The following PDZD2 variants were observed in gnomAD, a reference collection of about 807,000 sequenced individuals.
PDZD2 encodes the protein PDZ domain containing 2.
In PDZD2, 90 loss-of-function variants were observed where a neutral mutation model predicts 220.7. That is an observed-to-expected ratio of 0.41 (90% confidence interval 0.34 to 0.49). The LOEUF (loss-of-function observed/expected upper bound fraction) is 0.49. Ranked by LOEUF, PDZD2 falls within the 20% of genes least tolerant of loss-of-function variation. The pLI is 0.28. For missense variants in PDZD2, 3,174 were observed against 3,608.5 expected (o/e 0.88, Z 3.08); for synonymous variants, 1,375 against 1,450.5 (o/e 0.95, Z 1.18).
chr5:31,812,510 C>T (rs1295313021), intron 2 of PDZD2, among the ~76,000 whole-genome samples: 1 of 151,934 alleles, frequency 6.6e-6, no homozygotes, highest in Non-Finnish European at 1.5e-5. Context: ...ACAATCAAAG[C>T]TCACTGCAGC....
intron 2 of PDZD2, among the ~76,000 whole-genome samples, chr5:31,819,333 T>G (rs1755669052): frequency 6.6e-6 from 1 of 152,134 alleles, no homozygotes; most frequent in Admixed American, 6.6e-5. Context: ...AACTGGTGGG[T>G]GTTTTTACTG....
chr5:31,717,329 C>T (rs1280476222), intron 1 of PDZD2, among the ~76,000 whole-genome samples: 1 of 152,124 alleles, frequency 6.6e-6, no homozygotes, highest in Non-Finnish European at 1.5e-5. Context: ...GTGCCTAAAT[C>T]GCTGTCTCTG....
intron 2 of PDZD2, among the ~76,000 whole-genome samples, chr5:31,804,164 T>A (rs1754577475): frequency 6.6e-6 from 1 of 152,152 alleles, no homozygotes; most frequent in Non-Finnish European, 1.5e-5. Flanking sequence ...ACTTTGAAGT[T>A]CCTTTCTGTG....
chr5:31,923,401 TGCA>T, intron 2 of PDZD2: 1 of 1,255,648 alleles, frequency 8.0e-7, no homozygotes, highest in Non-Finnish European at 1.2e-6. Flanking sequence ...AAGCAGAGAC[TGCA>T]GCAGCTCTTC....
chr5:31,945,758 T>C (rs996833003), intron 2 of PDZD2, among the ~76,000 whole-genome samples: 2 of 151,954 alleles, frequency 1.3e-5, no homozygotes, highest in Admixed American at 6.6e-5. Context: ...GCTTCCTGGG[T>C]CTCCTCCCCC....
At chr5:32,106,045 T>A (rs1405725048) in intron 24 of PDZD2, 1 of 152,268 alleles carries the variant, frequency 6.6e-6, no homozygotes, top group African/African-American at 2.4e-5. Flanking sequence ...TTCAGGATGA[T>A]TCAGGTGCAT....
intron 2 of PDZD2, among the ~76,000 whole-genome samples, chr5:31,818,561 G>C (rs1330790248): frequency 6.6e-6 from 1 of 152,098 alleles, no homozygotes; most frequent in Non-Finnish European, 1.5e-5. Context: ...GTCCTGGCCA[G>C]CTACCCTACC....
intron 1 of PDZD2, among the ~76,000 whole-genome samples, chr5:31,689,493 C>G (rs1259965902): frequency 6.6e-6 from 1 of 151,154 alleles, no homozygotes; most frequent in Non-Finnish European, 1.5e-5. Context: ...CACGCCCAGC[C>G]TGCCCACAAG....
At chr5:31,869,359 T>C (rs140923537) in intron 2 of PDZD2, among the ~76,000 whole-genome samples, 1,694 of 152,160 alleles carry the variant, frequency 0.011, 10 homozygotes, top group Non-Finnish European at 0.017. Flanking sequence ...GTCCATCTCT[T>C]TTTTTCTGCC....
At chr5:32,017,591 T>A (rs1753878541) in intron 6 of PDZD2, among the ~76,000 whole-genome samples, 1 of 152,206 alleles carries the variant, frequency 6.6e-6, no homozygotes, top group Admixed American at 6.5e-5. Context: ...TTAGACATCA[T>A]TTTTTGAAGT....
intron 14 of PDZD2, among the ~76,000 whole-genome samples, chr5:32,068,164 G>A (rs982771657): frequency 1.3e-5 from 2 of 151,862 alleles, no homozygotes; most frequent in Admixed American, 1.3e-4. Context: ...TGCGTAATCT[G>A]AATCTAAGCA....
chr5:31,800,411 T>C (rs1489270707), intron 2 of PDZD2, among the ~76,000 whole-genome samples: 1 of 152,064 alleles, frequency 6.6e-6, no homozygotes. Context: ...GTGTCCAAGG[T>C]TTTTTCTTGG....
At chr5:31,738,400 C>G (rs954903718) in intron 1 of PDZD2, 1 of 152,322 alleles carries the variant, frequency 6.6e-6, no homozygotes, top group Non-Finnish European at 1.5e-5. Flanking sequence ...CTTCAGAAGG[C>G]TGCAGGCAGA....
At chr5:31,873,561 ATTTATT>A (rs1739026405) in intron 2 of PDZD2, among the ~76,000 whole-genome samples, 1 of 150,130 alleles carries the variant, frequency 6.7e-6, no homozygotes, top group Admixed American at 6.7e-5. Context: ...TTATTTATTT[ATTTATT>A]TATTTATTTA....
intron 1 of PDZD2, among the ~76,000 whole-genome samples, chr5:31,759,312 G>A (rs73058405): frequency 0.018 from 2,681 of 152,220 alleles, 71 homozygotes; most frequent in African/African-American, 0.061. Flanking sequence ...CCGGCTCTTC[G>A]AGGCTTCGGG....
At chr5:31,851,375 G>T (rs1285167548) in intron 2 of PDZD2, among the ~76,000 whole-genome samples, 1 of 152,168 alleles carries the variant, frequency 6.6e-6, no homozygotes, top group African/African-American at 2.4e-5. Context: ...AGTGCAATAT[G>T]CAGATTCCTA....
At chr5:32,107,155 C>T (rs1425894258) in intron 24 of PDZD2, among the ~76,000 whole-genome samples, 1 of 151,914 alleles carries the variant, frequency 6.6e-6, no homozygotes, top group Non-Finnish European at 1.5e-5. Context: ...GCTGGTGTAC[C>T]TTTAGAAGTA....
chr5:31,748,832 A>G (rs1315583127), intron 1 of PDZD2, among the ~76,000 whole-genome samples: 2 of 152,216 alleles, frequency 1.3e-5, no homozygotes, highest in Non-Finnish European at 2.9e-5. Flanking sequence ...TTGCAATGAC[A>G]GATTTTAGGT....
chr5:31,970,774 A>T (rs148897893), intron 2 of PDZD2, among the ~76,000 whole-genome samples: 2 of 152,240 alleles, frequency 1.3e-5, no homozygotes, highest in Non-Finnish European at 1.5e-5. Flanking sequence ...TTGGCAGTAC[A>T]TATGAAAGAA....
Sources: allele counts gnomAD v4.1 joint callset (sites outside exome capture counted in the v4.1 genomes callset), GRCh38; gene constraint gnomAD v4.1.1; transcripts MANE v1.5; gene names NCBI Gene and HGNC (gene_info 2026-07-23, HGNC 2026-07-21).